Variants in PITPNA observed in about 807,000 individuals in gnomAD.
PITPNA encodes phosphatidylinositol transfer protein alpha.
In PITPNA, 13 loss-of-function variants were observed where a neutral mutation model predicts 50.3. The observed-to-expected ratio is 0.26, with a 90% CI of 0.17 to 0.41. The LOEUF is 0.41. Ranked by LOEUF, PITPNA falls within the 10% of genes least tolerant of loss-of-function variation. PITPNA has a pLI of 1.00. For synonymous variants in PITPNA, 120 were observed against 119.6 expected (o/e 1.00, Z -0.02); for missense variants, 207 against 333.4 (o/e 0.62, Z 2.95).
rs1598399847 is a variant in PITPNA, at chr17:1,518,242, A to C, written c.*2319T>G. 2 of 152,556 alleles carry C rather than the reference A, an allele frequency of 1.3e-5. No homozygotes were observed. The highest frequency in any genetic ancestry group is 1.9e-4 in the East Asian group (1 of 5,186). 9.5% of individuals were successfully genotyped at this position (152,556 alleles called of 1,614,324 possible). A position where few individuals can be genotyped will look rare whatever the true frequency, so the allele number is the denominator to read the frequency against. On this transcript the variant is annotated 3_prime_UTR_variant, in exon 12 of 12. Coordinates refer to ENST00000313486, the MANE Select transcript of PITPNA (RefSeq NM_006224.4). ...CTGTCCCGGACCTCTCTGCATGAGA[A>C]GGCCAGAGCCCAGCACCCCTCCTAC...
At chr17:1,523,499 G>A (rs535698579) in intron 10 of PITPNA, among the ~76,000 whole-genome samples, 8 of 142,230 alleles carry the variant, frequency 5.6e-5, no homozygotes, top group East Asian at 2.1e-4. Context: ...GTGCCACCAC[G>A]CCTGGCTTTT....
chr17:1,549,264 C>CT (rs111372952), intron 3 of PITPNA, among the ~76,000 whole-genome samples: 13,332 of 126,116 alleles, frequency 0.11, 706 homozygotes, highest in Non-Finnish European at 0.13. Flanking sequence ...AAGCCCCCTG[C>CT]TTTTTTTTTT....
intron 7 of PITPNA, chr17:1,535,972 C>T (rs768553636): frequency 3.4e-5 from 6 of 177,280 alleles, no homozygotes; most frequent in Admixed American, 1.7e-4. Flanking sequence ...ATACAGCCAG[C>T]GCTCAGAATA....
chr17:1,529,155 A>AAG (rs1555530753), intron 10 of PITPNA, among the ~76,000 whole-genome samples: 3 of 106,636 alleles, frequency 2.8e-5, no homozygotes, highest in South Asian at 3.0e-4. Context: ...AAAAAAAAAA[A>AAG]AGAGAGAGAG....
At chr17:1,545,273 G>T (rs931921965) in intron 4 of PITPNA, among the ~76,000 whole-genome samples, 1 of 152,186 alleles carries the variant, frequency 6.6e-6, no homozygotes, top group African/African-American at 2.4e-5. Flanking sequence ...CTCAGAGAAA[G>T]GAAGAGCCTT....
intron 4 of PITPNA, 35 bp downstream of exon 4, chr17:1,548,261 C>T: frequency 1.4e-6 from 2 of 1,440,152 alleles, no homozygotes; most frequent in Non-Finnish European, 9.6e-7. Flanking sequence ...TGCTGCCCGC[C>T]CCTGCCTGGC....
chr17:1,559,925 T>G (rs2075759542), intron 1 of PITPNA: 2 of 249,938 alleles, frequency 8.0e-6, no homozygotes, highest in Non-Finnish European at 1.3e-5. Flanking sequence ...AAGCCAGTGG[T>G]GCAGAAAAAT....
At chr17:1,558,160 G>A (rs1006893705) in intron 2 of PITPNA, among the ~76,000 whole-genome samples, 4 of 149,766 alleles carry the variant, frequency 2.7e-5, no homozygotes, top group African/African-American at 9.8e-5. Flanking sequence ...GAACCCACGA[G>A]GCAGAGGTTG....
At chr17:1,532,767 A>G (rs1439621279) in intron 10 of PITPNA, among the ~76,000 whole-genome samples, 1 of 152,184 alleles carries the variant, frequency 6.6e-6, no homozygotes, top group African/African-American at 2.4e-5. Flanking sequence ...CCCCTTCCTA[A>G]AGATCCTTAG....
chr17:1,544,897 G>A (rs2075665239), intron 4 of PITPNA, among the ~76,000 whole-genome samples: 1 of 152,220 alleles, frequency 6.6e-6, no homozygotes, highest in African/African-American at 2.4e-5. Context: ...GGAGGCTGAG[G>A]CAGGAGAATT....
Position 1,519,377 on chromosome 17 carries a change from C to T in PITPNA, c.*1184G>A, listed in dbSNP as rs1050677150. Reference sequence around the variant, plus strand: ...CTATGAACACTGGGCAGCGTCTGTTCCCCTGGAGCCTGGACTTCCTCACCA... The same window carrying T: ...CTATGAACACTGGGCAGCGTCTGTTTCCCTGGAGCCTGGACTTCCTCACCA... On this transcript the variant is annotated 3_prime_UTR_variant, in exon 12 of 12. Transcript: ENST00000313486. The T allele has an allele frequency of 6.6e-6, 1 of 152,324 alleles. No homozygotes were observed. The highest frequency in any genetic ancestry group is 1.5e-5 in the Non-Finnish European group (1 of 68,076). The allele number at this position is 152,324 out of a possible 1,614,324, so 9.4% of individuals were successfully genotyped here. A position where few individuals can be genotyped will look rare whatever the true frequency, so the allele number is the denominator to read the frequency against.
At chr17:1,534,976 C>G (rs111837359) in intron 9 of PITPNA, among the ~76,000 whole-genome samples, 1 of 152,194 alleles carries the variant, frequency 6.6e-6, no homozygotes, top group Non-Finnish European at 1.5e-5. Context: ...CCAAACACCC[C>G]CCACCGCACA....
At chr17:1,548,230 C>T (rs953017115) in intron 4 of PITPNA, 66 bp downstream of exon 4, 15 of 1,044,670 alleles carry the variant, frequency 1.4e-5, no homozygotes, top group Middle Eastern at 2.1e-4. Context: ...ATCCGGAACA[C>T]GCAGGTGGGA....
chr17:1,522,071 C>T (rs1423827881), intron 10 of PITPNA, among the ~76,000 whole-genome samples: 1 of 141,668 alleles, frequency 7.1e-6, no homozygotes, highest in Admixed American at 7.0e-5. Flanking sequence ...TATGAAACAT[C>T]TTTTTTTTTT....
At chr17:1,540,057 G>C (rs4790572) in intron 6 of PITPNA, among the ~76,000 whole-genome samples, 79,573 of 152,094 alleles carry the variant, frequency 0.52, 20,906 homozygotes, top group East Asian at 0.69. Flanking sequence ...ACTATTGAGG[G>C]TAAACGTCAC....
At chr17:1,558,641 C>T in intron 1 of PITPNA, 82 bp from the exon 2 acceptor site, 1 of 954,222 alleles carries the variant, frequency 1.0e-6, no homozygotes, top group Middle Eastern at 2.1e-4. Context: ...CTAAAACAGT[C>T]AGCAGCATTC....
Position 1,556,169 on chromosome 17 carries a change from C to T in PITPNA, c.51+2360G>A, listed in dbSNP as rs962189282. On this transcript the variant is annotated intron_variant, in intron 2 of 11. Coordinates refer to ENST00000313486, the MANE Select transcript of PITPNA (RefSeq NM_006224.4). The stretch of plus-strand genomic sequence containing the variant: ...TGAATTGTTTCTTCTTCGGCCTTCC[C>T]CTCCAAGATTTTTCTAATTCTCTGA... Among the ~76,000 whole-genome samples, 11 of 152,282 alleles carry T rather than the reference C, an allele frequency of 7.2e-5. No individual in the cohort carries two copies. The East Asian group carries it at 2.1e-3, about 29-fold the overall frequency.
Position 1,534,089 on chromosome 17 carries a change from C to A in PITPNA, c.768+10G>T. The A allele has an allele frequency of 6.2e-7, 1 of 1,613,670 alleles. No individual in the cohort carries two copies. The highest frequency in any genetic ancestry group is 8.5e-7 in the Non-Finnish European group (1 of 1,179,718). The stretch of plus-strand genomic sequence containing the variant: ...TTATCTAATTGAGAGCCCCCAGAGC[C>A]CCCACTTACTTCATCCAGCTGTCTC... On this transcript the variant is annotated intron_variant, in intron 10 of 11. Transcript: ENST00000313486.
chr17:1,535,698 T>C, intron 7 of PITPNA, 180 bp from the exon 8 acceptor site: 1 of 607,060 alleles, frequency 1.6e-6, no homozygotes, highest in Non-Finnish European at 3.0e-6. Flanking sequence ...CAGAGGAGAG[T>C]TCTATGTGAT....
Sources: gnomAD v4.1 joint callset for allele counts (sites outside exome capture counted in the v4.1 genomes callset) on GRCh38, gnomAD v4.1.1 for gene constraint, MANE v1.5 for transcripts, NCBI Gene and HGNC (gene_info 2026-07-23, HGNC 2026-07-21) for gene names.